Variants in AFF3 observed in about 807,000 individuals in gnomAD.
AFF3 encodes AF4/FMR2 family member 3.
In AFF3, 32 loss-of-function variants were observed where a neutral mutation model predicts 129.7. The observed-to-expected ratio is 0.25, with a 90% CI of 0.19 to 0.33. The LOEUF (loss-of-function observed/expected upper bound fraction) is 0.33. Among genes scored for constraint, AFF3 ranks in the 10% least tolerant of loss-of-function variants. The pLI, the probability that AFF3 is intolerant of heterozygous loss-of-function variation, is 1.00. For synonymous variants in AFF3, 644 were observed against 635.4 expected (o/e 1.01, Z -0.20); for missense variants, 1,373 against 1,592.0 (o/e 0.86, Z 2.34).
intron 4 of AFF3, among the ~76,000 whole-genome samples, chr2:100,035,013 T>C (rs1261419035): frequency 6.6e-6 from 1 of 152,188 alleles, no homozygotes; most frequent in Non-Finnish European, 1.5e-5. Context: ...CAGCTCCCTG[T>C]ATCCTCAAGG....
At chr2:99,785,099 G>A (rs17436127) in intron 8 of AFF3, among the ~76,000 whole-genome samples, 4,373 of 152,198 alleles carry the variant, frequency 0.029, 81 homozygotes, top group Non-Finnish European at 0.04. Flanking sequence ...CTTGTGTCCC[G>A]GTAGCCAGGA....
chr2:99,929,226 C>A (rs1450796287), intron 7 of AFF3, among the ~76,000 whole-genome samples: 1 of 152,100 alleles, frequency 6.6e-6, no homozygotes, highest in Non-Finnish European at 1.5e-5. Context: ...ACTCGGGAGG[C>A]TGAGGCAGGA....
chr2:99,839,573 T>C (rs1004724394), intron 7 of AFF3, among the ~76,000 whole-genome samples: 2 of 150,498 alleles, frequency 1.3e-5, no homozygotes, highest in African/African-American at 4.9e-5. Context: ...AGAAATGATG[T>C]CTCATTGTGG....
intron 7 of AFF3, among the ~76,000 whole-genome samples, chr2:99,907,418 C>A (rs1479727335): frequency 6.6e-6 from 1 of 152,120 alleles, no homozygotes; most frequent in Non-Finnish European, 1.5e-5. Flanking sequence ...TCCTTAGACA[C>A]CAGTTTAGAA....
rs113768605 is a variant in AFF3, at chr2:100,141,505, A to G, written c.-228+979T>C. On this transcript the variant is annotated intron_variant, in intron 1 of 24. Transcript: ENST00000672756. Reference sequence around the variant, plus strand: ...TGCTTTTAATAATGGCAGAGACAACATTTTTTGATGGATTATTTAGTTTGT... The same window carrying G: ...TGCTTTTAATAATGGCAGAGACAACGTTTTTTGATGGATTATTTAGTTTGT... Among the ~76,000 whole-genome samples the G allele has an allele frequency of 3.3e-3, 505 of 152,320 alleles. 1 individual carries two copies. The highest frequency in any genetic ancestry group is 5.4e-3 in the Non-Finnish European group (369 of 68,030).
At chr2:100,044,215 C>T (rs1685657528) in intron 4 of AFF3, among the ~76,000 whole-genome samples, 1 of 152,218 alleles carries the variant, frequency 6.6e-6, no homozygotes, top group South Asian at 2.1e-4. Context: ...AAAGGCAGGA[C>T]CCGCATCCTC....
chr2:100,056,149 C>T (rs73966411), intron 4 of AFF3, among the ~76,000 whole-genome samples: 3 of 151,390 alleles, frequency 2.0e-5, no homozygotes, highest in South Asian at 2.1e-4. Context: ...TGTATTATCA[C>T]GCTAGTCACA....
intron 7 of AFF3, among the ~76,000 whole-genome samples, chr2:99,966,254 T>TA (rs1677735509): frequency 6.6e-6 from 1 of 152,144 alleles, no homozygotes; most frequent in Non-Finnish European, 1.5e-5. Flanking sequence ...TACTTAAAGA[T>TA]AAAGTAAAAC....
intron 7 of AFF3, among the ~76,000 whole-genome samples, chr2:99,968,614 A>T (rs1442275400): frequency 1.3e-5 from 2 of 152,204 alleles, no homozygotes; most frequent in African/African-American, 4.8e-5. Context: ...GATGGCTTTC[A>T]CTGCCCTGAA....
chr2:99,959,696 C>CATATATATATAT lies in AFF3; in HGVS notation c.873+46924_873+46935dup, dbSNP rs58551565. Among the ~76,000 whole-genome samples, 11 of 138,154 alleles carry CATATATATATAT rather than the reference C, an allele frequency of 8.0e-5. No individual in the cohort carries two copies. In the South Asian group the frequency reaches 1.2e-3, roughly 15 times the overall value. The allele number at this position is 138,154 out of a possible 152,430, so 90.6% of individuals were successfully genotyped here. The stretch of plus-strand genomic sequence containing the variant: ...TTACATTTTAAAAAATAGTGTATAG[C>CATATATATATAT]ATATATATATATATATATATATATA... On this transcript the variant is annotated intron_variant, in intron 7 of 24. Coordinates refer to ENST00000672756, the MANE Select transcript of AFF3 (RefSeq NM_001386135.1).
intron 4 of AFF3, among the ~76,000 whole-genome samples, chr2:100,050,932 A>G (rs1686275409): frequency 6.6e-6 from 1 of 152,218 alleles, no homozygotes. Flanking sequence ...GACCTGCCAG[A>G]AGAATGCCAC....
At chr2:99,840,036 T>C (rs1689203820) in intron 7 of AFF3, among the ~76,000 whole-genome samples, 1 of 152,230 alleles carries the variant, frequency 6.6e-6, no homozygotes, top group African/African-American at 2.4e-5. Flanking sequence ...TGTTTTATTA[T>C]AGGAGTGCTT....
intron 4 of AFF3, among the ~76,000 whole-genome samples, chr2:100,015,810 T>C (rs1682967855): frequency 6.6e-6 from 1 of 152,172 alleles, no homozygotes; most frequent in Admixed American, 6.5e-5. Context: ...CTGGAGTCTT[T>C]TGAAGCTCTG....
chr2:99,564,921 A>G (rs1385951104), intron 20 of AFF3, among the ~76,000 whole-genome samples: 1 of 152,160 alleles, frequency 6.6e-6, no homozygotes, highest in African/African-American at 2.4e-5. Context: ...GATGTGATGG[A>G]GGTGCCTTTC....
At chr2:99,848,210 A>C (rs1227559400) in intron 7 of AFF3, among the ~76,000 whole-genome samples, 1 of 151,982 alleles carries the variant, frequency 6.6e-6, no homozygotes, top group Non-Finnish European at 1.5e-5. Flanking sequence ...AGGTCATGCC[A>C]CTGCACTCCA....
chr2:99,802,140 C>T (rs546763109), intron 8 of AFF3, among the ~76,000 whole-genome samples: 4 of 152,322 alleles, frequency 2.6e-5, no homozygotes, highest in African/African-American at 9.6e-5. Context: ...AAGCTCACTA[C>T]TTAGGCCTTC....
rs539611011 is a variant in AFF3 at position 99,846,410 on chromosome 2, G to A, written c.874-8886C>T. Among the ~76,000 whole-genome samples the A allele has an allele frequency of 2.8e-4, 43 of 152,362 alleles. No homozygotes were observed. The South Asian group carries it at 3.9e-3, about 14-fold the overall frequency. On this transcript the variant is annotated intron_variant, in intron 7 of 24. Coordinates refer to ENST00000672756, the MANE Select transcript of AFF3 (RefSeq NM_001386135.1). ...CTCCCAAAGTGCTGGGATTATAGGC[G>A]TGAGCCACTGCGCCTGGCCGAACAT...
At chr2:99,965,305 TC>T (rs945154703) in intron 7 of AFF3, among the ~76,000 whole-genome samples, 3 of 152,202 alleles carry the variant, frequency 2.0e-5, no homozygotes, top group Non-Finnish European at 2.9e-5. Flanking sequence ...ACAGCATCCA[TC>T]CCAACTACTT....
At chr2:99,965,732 C>T (rs1392650742) in intron 7 of AFF3, among the ~76,000 whole-genome samples, 1 of 152,166 alleles carries the variant, frequency 6.6e-6, no homozygotes, top group Non-Finnish European at 1.5e-5. Flanking sequence ...AGCCCAAGGC[C>T]CAGCCTATGG....
Sources: allele counts gnomAD v4.1 joint callset (sites outside exome capture counted in the v4.1 genomes callset), GRCh38; gene constraint gnomAD v4.1.1; transcripts MANE v1.5; gene names NCBI Gene and HGNC (gene_info 2026-07-23, HGNC 2026-07-21).